LONRF2: variants seen among roughly 807,000 people sequenced by gnomAD.
The protein encoded by LONRF2 is LON peptidase N-terminal domain and ring finger 2, also known as LON peptidase N-terminal domain and RING finger protein 2.
A neutral mutation model predicts 66.6 loss-of-function variants in LONRF2; 35 were observed. The ratio of observed to expected loss-of-function variants is 0.53; its 90% CI spans 0.40 to 0.70. LONRF2 has a LOEUF of 0.70. Among genes scored for constraint, LONRF2 ranks in the 30% least tolerant of loss-of-function variants. LONRF2 has a pLI of 0.00. For synonymous variants in LONRF2, 417 were observed against 418.1 expected (o/e 1.00, Z 0.03); for missense variants, 902 against 1,002.1 (o/e 0.90, Z 1.35).
chr2:100,287,925 A>G (rs181762553), intron 10 of LONRF2, among the ~76,000 whole-genome samples: 2 of 152,296 alleles, frequency 1.3e-5, no homozygotes, highest in Admixed American at 1.3e-4. Context: ...AAATTCCAGT[A>G]CCTACAAAAA....
At chr2:100,294,743 G>T (rs963111485) in intron 8 of LONRF2, among the ~76,000 whole-genome samples, 1 of 152,066 alleles carries the variant, frequency 6.6e-6, no homozygotes, top group African/African-American at 2.4e-5. Flanking sequence ...TGATAAGATC[G>T]CTACTAAAAT....
chr2:100,316,041 C>T (rs1333363516), intron 1 of LONRF2, among the ~76,000 whole-genome samples: 1 of 151,992 alleles, frequency 6.6e-6, no homozygotes, highest in Non-Finnish European at 1.5e-5. Context: ...AATTTTCTGG[C>T]CGGGTGCGGT....
chr2:100,284,617 T>C (rs1674807736), intron 11 of LONRF2, 125 bp from the exon 12 acceptor site: 11 of 710,550 alleles, frequency 1.5e-5, no homozygotes, highest in Non-Finnish European at 1.1e-5. Flanking sequence ...ATTTTAGGGC[T>C]AATTCACAAT....
In LONRF2 at chr2:100,321,884, G is replaced by A. The variant is rs1675641212; in HGVS notation, c.210C>T (p.Arg70=). The A allele has an allele frequency of 2.4e-6, 3 of 1,227,220 alleles. No homozygotes were observed. Among genetic ancestry groups the A allele is most frequent in the South Asian group, 3.4e-5 (1 of 29,342 alleles). The allele number at this position is 1,227,220 out of a possible 1,614,324, so 76.0% of individuals were successfully genotyped here. A position where few individuals can be genotyped will look rare whatever the true frequency, so the allele number is the denominator to read the frequency against. Residue 70 remains arginine, a synonymous_variant, in exon 1 of 12, where the codon CGC becomes CGT. Transcript: ENST00000393437. ...CCAGGGCTTCGGGGAGGCGGCCGGCGCGGGCCAGCGCGTCCCCCAGCCTCA... is the reference window on the plus strand; with the variant it reads ...CCAGGGCTTCGGGGAGGCGGCCGGCACGGGCCAGCGCGTCCCCCAGCCTCA... ...LCLRLGDALA[R]AGRLPEALGA...
At position 100,321,631 on chromosome 2, in the gene LONRF2, T is replaced by C. The variant is rs1309303425; in HGVS notation, c.463A>G (p.Thr155Ala). Residue 155 changes from threonine (T) to alanine (A), a missense_variant, in exon 1 of 12, where the codon ACG (threonine) becomes GCG (alanine). Around this residue, in one of 2 missense-constraint regions of LONRF2, gnomAD observed 585 missense variants for 569.9 expected, o/e 1.03. Coordinates refer to ENST00000393437, the MANE Select transcript of LONRF2 (RefSeq NM_198461.4). ...CAGACTGTGAGCCCGCAGGGCAGCG[T>C]CACCGGCTTATGCAGCAGCCGCCGG... is the stretch of plus-strand genomic sequence containing the variant. ...RCRRLLHKPVTLPCGLTVCKR... is the reference protein window; with the variant it reads ...RCRRLLHKPVALPCGLTVCKR... 3 of 1,476,802 alleles carry C rather than the reference T, an allele frequency of 2.0e-6. No homozygotes were observed. Among genetic ancestry groups the C allele is most frequent in the Admixed American group, 4.8e-5 (2 of 41,976 alleles). 91.5% of individuals were successfully genotyped at this position (1,476,802 alleles called of 1,614,324 possible).
intron 9 of LONRF2, among the ~76,000 whole-genome samples, chr2:100,292,065 A>C (rs376767559): frequency 2.3e-4 from 35 of 152,350 alleles, no homozygotes; most frequent in African/African-American, 7.7e-4. Context: ...ACTAAAGAGC[A>C]GCGATGATTC....
chr2:100,293,919 T>C (rs1675011495), intron 9 of LONRF2, among the ~76,000 whole-genome samples: 1 of 152,016 alleles, frequency 6.6e-6, no homozygotes, highest in African/African-American at 2.4e-5. Context: ...TAGATTTGTT[T>C]GTATATAAAT....
intron 1 of LONRF2, among the ~76,000 whole-genome samples, chr2:100,320,378 T>C (rs1204054169): frequency 6.6e-6 from 1 of 152,234 alleles, no homozygotes; most frequent in Non-Finnish European, 1.5e-5. Context: ...TTAAGTGCTC[T>C]ATTCCAGCAG....
intron 6 of LONRF2, 83 bp downstream of exon 6, chr2:100,299,143 A>G: frequency 9.6e-7 from 1 of 1,040,266 alleles, no homozygotes. Context: ...TTTCCGTGAT[A>G]ATAAAAAGCC....
intron 7 of LONRF2, among the ~76,000 whole-genome samples, chr2:100,295,796 C>G (rs1258389495): frequency 6.6e-6 from 1 of 152,048 alleles, no homozygotes; most frequent in East Asian, 1.9e-4. Context: ...TTGACAGCAT[C>G]TACATTTTCA....
At chr2:100,285,900 A>C (rs1674835594) in intron 11 of LONRF2, among the ~76,000 whole-genome samples, 1 of 152,196 alleles carries the variant, frequency 6.6e-6, no homozygotes, top group African/African-American at 2.4e-5. Context: ...AGTAGTAGGA[A>C]GCTAATATAC....
intron 11 of LONRF2, among the ~76,000 whole-genome samples, chr2:100,286,337 A>T (rs1397946070): frequency 1.3e-5 from 2 of 152,096 alleles, no homozygotes; most frequent in Non-Finnish European, 2.9e-5. Context: ...CTCCCATCTA[A>T]TGCAGAGGAG....
At chr2:100,321,379 T>G in intron 1 of LONRF2, 36 bp downstream of exon 1, 2 of 1,392,056 alleles carry the variant, frequency 1.4e-6, no homozygotes, top group Non-Finnish European at 1.9e-6. Flanking sequence ...GCCGGACAGG[T>G]GTAGGGGAGG....
At chr2:100,295,410 G>A (rs570198356) in intron 8 of LONRF2, 22 bp downstream of exon 8, 1 of 1,605,798 alleles carries the variant, frequency 6.2e-7, no homozygotes, top group African/African-American at 1.3e-5. Context: ...TAAGACCAAG[G>A]ACACACAACA....
At chr2:100,304,168 T>A (rs1675241530) in intron 2 of LONRF2, among the ~76,000 whole-genome samples, 1 of 152,178 alleles carries the variant, frequency 6.6e-6, no homozygotes, top group Non-Finnish European at 1.5e-5. Context: ...TTTTTCTTTT[T>A]TAGAGACAGG....
rs1674614557 is a variant in LONRF2, at chr2:100,276,981, A to C, written c.*7317T>G. Reference sequence around the variant, plus strand: ...AATGAGGAAACTCATTGTCACACTCATTAAGGACATACAAGTCCAACATCT... The same window carrying C: ...AATGAGGAAACTCATTGTCACACTCCTTAAGGACATACAAGTCCAACATCT... On this transcript the variant is annotated 3_prime_UTR_variant, in exon 12 of 12. Transcript: ENST00000393437. 1 of 152,252 alleles carries C rather than the reference A, an allele frequency of 6.6e-6. No homozygotes were observed. Among genetic ancestry groups the C allele is most frequent in the South Asian group, 2.1e-4 (1 of 4,826 alleles). The allele number at this position is 152,252 out of a possible 1,614,324, so 9.4% of individuals were successfully genotyped here.
At chr2:100,296,950 T>C (rs1398510670) in intron 7 of LONRF2, among the ~76,000 whole-genome samples, 1 of 152,142 alleles carries the variant, frequency 6.6e-6, no homozygotes, top group African/African-American at 2.4e-5. Flanking sequence ...ATTTTGGATT[T>C]TATTTCACTT....
Position 100,299,230 on chromosome 2 carries a change from T to C in LONRF2, c.1357A>G (p.Met453Val). The change falls in exon 6 of 12, where the codon ATG becomes GTG. Residue 453 changes from methionine (M) to valine (V), a missense_variant. By Grantham distance (21) the Met-to-Val change is conservative. This residue lies in a region of LONRF2 where 317 missense variants were observed against 432.2 expected (regional missense o/e 0.73). Coordinates refer to ENST00000393437, the MANE Select transcript of LONRF2 (RefSeq NM_198461.4). ...DVTDFECALC[M>V]RLLFEPVTTP... is the part of the protein sequence containing the mutation. ...ACGGATTCTGTACCATCCTACCTCA[T>C]GCAGAGGGCACACTCAAAGTCAGTT... The C allele has an allele frequency of 6.3e-7, 1 of 1,582,304 alleles. No individual in the cohort carries two copies. Among genetic ancestry groups the C allele is most frequent in the Non-Finnish European group, 8.6e-7 (1 of 1,162,494 alleles).
intron 11 of LONRF2, among the ~76,000 whole-genome samples, chr2:100,285,142 GT>G (rs1674819582): frequency 6.6e-6 from 1 of 152,118 alleles, no homozygotes; most frequent in Admixed American, 6.5e-5. Context: ...AGGCCTTTTT[GT>G]TTCCAGGGTC....
Sources: allele counts gnomAD v4.1 joint callset (sites outside exome capture counted in the v4.1 genomes callset), GRCh38; gene constraint gnomAD v4.1.1; regional missense constraint gnomAD v4.1.1; transcripts MANE v1.5; gene names NCBI Gene and HGNC (gene_info 2026-07-23, HGNC 2026-07-21).